Variants in CREG1 observed in about 807,000 individuals in gnomAD.
CREG1 encodes the protein cellular repressor of E1A stimulated genes 1, also known as protein CREG1.
A neutral mutation model predicts 19.9 loss-of-function variants in CREG1; 20 were observed. The observed-to-expected ratio is 1.01, with a 90% confidence interval of 0.71 to 1.46. CREG1 has a LOEUF of 1.46. Ranked by LOEUF, CREG1 falls within the 40% of genes most tolerant of loss-of-function variation. CREG1 has a pLI of 0.00. For synonymous variants in CREG1, 141 were observed against 143.3 expected (o/e 0.98, Z 0.12); for missense variants, 290 against 314.9 (o/e 0.92, Z 0.60).
chr1:167,547,068 G>C (rs1468551479), intron 2 of CREG1, among the ~76,000 whole-genome samples: 1 of 152,224 alleles, frequency 6.6e-6, no homozygotes. Flanking sequence ...CAACTACAGA[G>C]ATGCATCCAC....
intron 3 of CREG1, among the ~76,000 whole-genome samples, chr1:167,543,806 A>T (rs1239551978): frequency 5.3e-5 from 7 of 132,430 alleles, no homozygotes; most frequent in Non-Finnish European, 1.3e-4. Context: ...GCCGCCTCTC[A>T]GGACAAGGGA....
intron 1 of CREG1, among the ~76,000 whole-genome samples, chr1:167,549,132 TG>T (rs1381263472): frequency 2.6e-5 from 4 of 152,104 alleles, no homozygotes; most frequent in African/African-American, 9.7e-5. Flanking sequence ...AACACAGAAC[TG>T]GGTGAGCCTA....
chr1:167,546,157 G>C lies in CREG1; in HGVS notation c.603C>G (p.Asp201Glu). 1 of 1,613,212 alleles carries C rather than the reference G, an allele frequency of 6.2e-7. No individual in the cohort carries two copies. Among genetic ancestry groups the C allele is most frequent in the Non-Finnish European group, 8.5e-7 (1 of 1,179,752 alleles). ...KLNITNIWVL[D>E]YFGGPKIVTP... ...TCACGATTTTTGGTCCACCAAAGTA[G>C]TCCAGGACCCAGATATTGGTTATAT... The change falls in exon 3 of 4, where the codon GAC becomes GAG. Residue 201 changes from aspartate (D) to glutamate (E), a missense_variant. Coordinates refer to ENST00000370509, the MANE Select transcript of CREG1 (RefSeq NM_003851.3).
intron 2 of CREG1, among the ~76,000 whole-genome samples, chr1:167,547,492 T>C (rs2102150763): frequency 6.6e-6 from 1 of 152,342 alleles, no homozygotes; most frequent in Non-Finnish European, 1.5e-5. Context: ...CATTCATTTT[T>C]GTCATATCTT....
At chr1:167,546,364 C>T in intron 2 of CREG1, 79 bp from the exon 3 acceptor site, 2 of 1,044,300 alleles carry the variant, frequency 1.9e-6, no homozygotes, top group Non-Finnish European at 2.8e-6. Context: ...TGTGATTAGG[C>T]CGGGTGCAGT....
Position 167,553,539 on chromosome 1 carries a change from C to A in CREG1, c.203G>T (p.Trp68Leu). ...CGTGGAGATGGTGGCCAGAGCGCCC[C>A]AGTCGGAGACGTGCGTCACGAAGCG... ...VARFVTHVSD[W>L]GALATISTLE... Residue 68 changes from tryptophan (W) to leucine (L), a missense_variant, in exon 1 of 4, where the codon TGG (tryptophan) becomes TTG (leucine). Physicochemically the swap from Trp to Leu is moderately conservative, Grantham distance 61. Coordinates refer to ENST00000370509, the MANE Select transcript of CREG1 (RefSeq NM_003851.3). 6.8e-7 allele frequency: 1 copy of A among 1,477,032 alleles called. No homozygotes were observed. 91.5% of individuals were successfully genotyped at this position (1,477,032 alleles called of 1,614,324 possible).
At chr1:167,547,713 G>A (rs1656353799) in intron 2 of CREG1, among the ~76,000 whole-genome samples, 1 of 152,120 alleles carries the variant, frequency 6.6e-6, no homozygotes, top group Admixed American at 6.6e-5. Context: ...TTGAGGTCAG[G>A]AGTTCAAGAC....
Position 167,541,999 on chromosome 1 carries a change from C to T in CREG1, c.*299G>A, listed in dbSNP as rs1010402179. Reference sequence around the variant, plus strand: ...GGTACTCATTCCTCTTCAAGAGCACCACTGGAAACATCTTTGGAATTGATG... The same window carrying T: ...GGTACTCATTCCTCTTCAAGAGCACTACTGGAAACATCTTTGGAATTGATG... On this transcript the variant is annotated 3_prime_UTR_variant, in exon 4 of 4. Transcript: ENST00000370509. 1.8e-5 allele frequency: 5 copies of T among 284,046 alleles called. No individual in the cohort carries two copies. Among genetic ancestry groups the T allele is most frequent in the African/African-American group, 1.1e-4 (5 of 45,152 alleles). The allele number at this position is 284,046 out of a possible 1,614,324, so 17.6% of individuals were successfully genotyped here. A position where few individuals can be genotyped will look rare whatever the true frequency, so the allele number is the denominator to read the frequency against.
intron 3 of CREG1, among the ~76,000 whole-genome samples, chr1:167,543,124 G>A (rs1241424642): frequency 2.6e-5 from 4 of 152,044 alleles, no homozygotes. Flanking sequence ...GCAGGTGCCT[G>A]TGGTCCCAGC....
intron 3 of CREG1, among the ~76,000 whole-genome samples, chr1:167,543,598 T>C (rs1451834463): frequency 6.6e-6 from 1 of 152,178 alleles, no homozygotes; most frequent in Admixed American, 6.5e-5. Flanking sequence ...CTCACAGATA[T>C]CACTGTACAC....
chr1:167,549,490 T>C (rs375411325), intron 1 of CREG1, among the ~76,000 whole-genome samples: 1 of 152,008 alleles, frequency 6.6e-6, no homozygotes, highest in Non-Finnish European at 1.5e-5. Context: ...GTTCAAGCGA[T>C]TCTCTTGCCT....
chr1:167,547,549 T>C (rs1656350590), intron 2 of CREG1, among the ~76,000 whole-genome samples: 1 of 152,218 alleles, frequency 6.6e-6, no homozygotes, highest in African/African-American at 2.4e-5. Context: ...TTGGTTTTCA[T>C]GGAATTACTT....
chr1:167,544,970 CT>C (rs1171651528), intron 3 of CREG1, among the ~76,000 whole-genome samples: 1 of 152,178 alleles, frequency 6.6e-6, no homozygotes, highest in Non-Finnish European at 1.5e-5. Context: ...CCTTAGCTAA[CT>C]CCAAAGACTC....
chr1:167,549,407 C>T lies in CREG1; in HGVS notation c.355-1286G>A, dbSNP rs540945250. On this transcript the variant is annotated intron_variant, in intron 1 of 3. Transcript: ENST00000370509. ...TTTTTTTTGTTTTTTTTTTTTGAGA[C>T]GGAGTCTTGCTCTGTCACCCAGGCT... Among the ~76,000 whole-genome samples the T allele has an allele frequency of 1.8e-4, 27 of 149,210 alleles. No individual in the cohort carries two copies. The South Asian group carries it at 3.4e-3, about 19-fold the overall frequency.
At chr1:167,550,112 C>G (rs963878440) in intron 1 of CREG1, among the ~76,000 whole-genome samples, 1 of 152,172 alleles carries the variant, frequency 6.6e-6, no homozygotes, top group East Asian at 1.9e-4. Flanking sequence ...AACTCAGCCT[C>G]CCAAATAGCT....
At chr1:167,553,224 C>T (rs75959216) in intron 1 of CREG1, among the ~76,000 whole-genome samples, 164 bp downstream of exon 1, 1,764 of 152,322 alleles carry the variant, frequency 0.012, 36 homozygotes, top group African/African-American at 0.039. Context: ...AGCTGCCCAA[C>T]ATCTGGGACG....
chr1:167,551,754 C>G (rs939377967), intron 1 of CREG1, among the ~76,000 whole-genome samples: 2 of 152,128 alleles, frequency 1.3e-5, no homozygotes, highest in African/African-American at 4.8e-5. Flanking sequence ...ATTTTTAAAG[C>G]CTTCTTAGGT....
At chr1:167,546,333 T>A in intron 2 of CREG1, 48 bp from the exon 3 acceptor site, 2 of 1,284,492 alleles carry the variant, frequency 1.6e-6, no homozygotes, top group Non-Finnish European at 2.2e-6. Flanking sequence ...TAACACTTTA[T>A]CTTCTCATTT....
intron 1 of CREG1, among the ~76,000 whole-genome samples, chr1:167,548,358 C>G (rs1162839111): frequency 6.6e-6 from 1 of 152,162 alleles, no homozygotes; most frequent in African/African-American, 2.4e-5. Flanking sequence ...AAAATTATTT[C>G]AATATTCTTT....
Sources: gnomAD v4.1 joint callset for allele counts (sites outside exome capture counted in the v4.1 genomes callset) on GRCh38, gnomAD v4.1.1 for gene constraint, MANE v1.5 for transcripts, NCBI Gene and HGNC (gene_info 2026-07-23, HGNC 2026-07-21) for gene names.